The following CCNA1 variants were observed in gnomAD, a reference collection of about 807,000 sequenced individuals.
CCNA1 encodes cyclin-A1.
A neutral mutation model predicts 54.1 loss-of-function variants in CCNA1; 23 were observed. The ratio of observed to expected loss-of-function variants is 0.42; its 90% CI spans 0.31 to 0.60. The LOEUF (loss-of-function observed/expected upper bound fraction) is 0.60, where lower values mean the gene tolerates loss of function less well. Among genes scored for constraint, CCNA1 ranks in the 20% least tolerant of loss-of-function variants. The probability of loss-of-function intolerance (pLI) is 0.14; values close to 1 mark genes in which losing one functional copy is unlikely to be tolerated. For synonymous variants in CCNA1, 208 were observed against 213.9 expected (o/e 0.97, Z 0.24); for missense variants, 450 against 556.7 (o/e 0.81, Z 1.93).
intron 2 of CCNA1, among the ~76,000 whole-genome samples, chr13:36,436,854 C>T (rs2055811653): frequency 6.6e-6 from 1 of 152,222 alleles, no homozygotes; most frequent in South Asian, 2.1e-4. Flanking sequence ...GTAGACAGAG[C>T]TGGCATTTGC....
intron 2 of CCNA1, among the ~76,000 whole-genome samples, chr13:36,433,639 C>T (rs2055764624): frequency 6.7e-6 from 1 of 150,074 alleles, no homozygotes; most frequent in Non-Finnish European, 1.5e-5. Flanking sequence ...CTCCCGGGTT[C>T]AAGCGATTCT....
At position 36,432,563 on chromosome 13, in the gene CCNA1, T is replaced by C. The variant is rs2055725813; in HGVS notation, c.-59T>C. The C allele has an allele frequency of 1.8e-6, 2 of 1,090,370 alleles. No individual in the cohort carries two copies. The highest frequency in any genetic ancestry group is 2.6e-6 in the Non-Finnish European group (2 of 756,628). 67.5% of individuals were successfully genotyped at this position (1,090,370 alleles called of 1,614,324 possible). Reference sequence around the variant, plus strand: ...GCCCGCTTTGGGGTCCAGGCAGGTTTTGGGGCCTCCTGTCTGGTGGGAGGA... The same window carrying C: ...GCCCGCTTTGGGGTCCAGGCAGGTTCTGGGGCCTCCTGTCTGGTGGGAGGA... On this transcript the variant is annotated 5_prime_UTR_variant, in exon 1 of 9. Transcript: ENST00000255465.
chr13:36,437,830 G>A lies in CCNA1; in HGVS notation c.499G>A (p.Gly167Ser), dbSNP rs753604464. The A allele has an allele frequency of 7.4e-6, 12 of 1,613,956 alleles. No homozygotes were observed. The highest frequency in any genetic ancestry group is 3.3e-5 in the South Asian group (3 of 91,076). ...TGAGGATGTGTATGAAGTAGACACC[G>A]GCACACTCAAGTCAGACCTGCACTT... is the stretch of plus-strand genomic sequence containing the variant. Residue 167 changes from glycine (G) to serine (S), a missense_variant, in exon 3 of 9, where the codon GGC (glycine) becomes AGC (serine). By Grantham distance (56) the Gly-to-Ser change is moderately conservative. Transcript: ENST00000255465.
intron 1 of CCNA1, 140 bp from the exon 2 acceptor site, chr13:36,432,893 C>T: frequency 1.0e-6 from 1 of 997,550 alleles, no homozygotes; most frequent in Non-Finnish European, 1.5e-6. Context: ...CCCTTTCAGC[C>T]CCAATAATTA....
At chr13:36,432,983 G>C in intron 1 of CCNA1, 50 bp from the exon 2 acceptor site, 1 of 1,554,832 alleles carries the variant, frequency 6.4e-7, no homozygotes, top group South Asian at 1.2e-5. Context: ...TTGGAGCCCG[G>C]GGTGGACGGA....
intron 2 of CCNA1, among the ~76,000 whole-genome samples, chr13:36,435,547 C>G (rs116338406): frequency 7.2e-5 from 11 of 152,302 alleles, no homozygotes; most frequent in African/African-American, 2.6e-4. Context: ...ACCACTCTCT[C>G]CAAGTTTTCT....
Position 36,442,295 on chromosome 13 carries a change from A to T in CCNA1, c.1337A>T (p.Lys446Met). ...CAGCAAGCAATTAGGGAGAAGTACA[A>T]GGCTTCAAAGTAAGTCACTGACATT... Residue 446 changes from lysine (K) to methionine (M), a missense_variant, in exon 8 of 9, where the codon AAG (lysine) becomes ATG (methionine). Lys to Met is a moderately conservative substitution (Grantham distance 95). Coordinates refer to ENST00000255465, the MANE Select transcript of CCNA1 (RefSeq NM_003914.4). 6.2e-7 allele frequency: 1 copy of T among 1,613,854 alleles called. No individual in the cohort carries two copies. The highest frequency in any genetic ancestry group is 1.3e-5 in the African/African-American group (1 of 75,028).
At chr13:36,438,992 T>A in intron 5 of CCNA1, 125 bp downstream of exon 5, 2 of 701,224 alleles carry the variant, frequency 2.9e-6, no homozygotes, top group Non-Finnish European at 4.9e-6. Context: ...TGTCCTTTGA[T>A]AAAAGATCAT....
intron 2 of CCNA1, among the ~76,000 whole-genome samples, chr13:36,435,161 G>A (rs150069706): frequency 1.3e-5 from 2 of 152,144 alleles, no homozygotes; most frequent in African/African-American, 4.8e-5. Flanking sequence ...GCATTATGTC[G>A]ATTAAAGTAA....
Position 36,437,722 on chromosome 13 carries a change from C to T in CCNA1, c.391C>T (p.Pro131Ser). ...CCCTGACTGTGGGGTCCAAGAGCCC[C>T]CCAAGCAAGGGTTTGACATCTACAT... Residue 131 changes from proline (P) to serine (S), a missense_variant, in exon 3 of 9, where the codon CCC (proline) becomes TCC (serine). Pro to Ser is a moderately conservative substitution (Grantham distance 74). Coordinates refer to ENST00000255465, the MANE Select transcript of CCNA1 (RefSeq NM_003914.4). 6.2e-7 allele frequency: 1 copy of T among 1,614,120 alleles called. No homozygotes were observed. The highest frequency in any genetic ancestry group is 1.1e-5 in the South Asian group (1 of 91,086).
At chr13:36,433,411 T>TTCG (rs1566169517) in intron 2 of CCNA1, among the ~76,000 whole-genome samples, 190 bp downstream of exon 2, 15 of 115,984 alleles carry the variant, frequency 1.3e-4, no homozygotes, top group African/African-American at 4.4e-4. Context: ...TCTTTCTTTC[T>TTCG]TTCTTTCTTT....
intron 2 of CCNA1, among the ~76,000 whole-genome samples, chr13:36,434,570 T>C (rs570738540): frequency 6.6e-6 from 1 of 152,302 alleles, no homozygotes; most frequent in Admixed American, 6.5e-5. Flanking sequence ...CCTCTTATGT[T>C]ACCTGGTGCC....
chr13:36,434,859 C>T (rs1259375229), intron 2 of CCNA1, among the ~76,000 whole-genome samples: 7 of 147,268 alleles, frequency 4.8e-5, no homozygotes, highest in African/African-American at 1.5e-4. Flanking sequence ...ACAATATACT[C>T]GTGTCTTCTT....
At chr13:36,442,476 G>T (rs2055887229) in intron 8 of CCNA1, 138 bp from the exon 9 acceptor site, 2 of 1,095,208 alleles carry the variant, frequency 1.8e-6, no homozygotes, top group Non-Finnish European at 2.7e-6. Context: ...TTTATAATTT[G>T]TCAGCTTTTA....
intron 5 of CCNA1, among the ~76,000 whole-genome samples, chr13:36,439,326 T>C (rs758978237): frequency 1.2e-4 from 18 of 152,154 alleles, no homozygotes; most frequent in Non-Finnish European, 2.6e-4. Context: ...CCTAATTGTG[T>C]GGGAAAAGAG....
Position 36,432,498 on chromosome 13 carries a change from T to A in CCNA1, c.-124T>A. The stretch of plus-strand genomic sequence containing the variant: ...GCGATCCTCCAGTGCACTTGCCAGT[T>A]GTTCCGGACACATAGAAAGATAACG... On this transcript the variant is annotated 5_prime_UTR_variant, in exon 1 of 9. Coordinates refer to ENST00000255465, the MANE Select transcript of CCNA1 (RefSeq NM_003914.4). The A allele has an allele frequency of 1.7e-6, 1 of 606,022 alleles. No homozygotes were observed. The allele number at this position is 606,022 out of a possible 1,614,324, so 37.5% of individuals were successfully genotyped here.
intron 4 of CCNA1, 54 bp from the exon 5 acceptor site, chr13:36,438,590 G>A: frequency 2.4e-6 from 3 of 1,264,792 alleles, no homozygotes; most frequent in Non-Finnish European, 3.4e-6. Flanking sequence ...CTATATTGTG[G>A]AATGATCTTT....
chr13:36,435,656 T>A (rs1356306852), intron 2 of CCNA1, among the ~76,000 whole-genome samples: 1 of 152,190 alleles, frequency 6.6e-6, no homozygotes, highest in Non-Finnish European at 1.5e-5. Context: ...GATCTAAATC[T>A]TGCACTCACT....
intron 5 of CCNA1, among the ~76,000 whole-genome samples, chr13:36,439,705 T>G (rs2055851286): frequency 6.6e-6 from 1 of 152,176 alleles, no homozygotes; most frequent in Non-Finnish European, 1.5e-5. Context: ...AATCTTTCAG[T>G]GTATCACAGG....
Sources: allele counts gnomAD v4.1 joint callset (sites outside exome capture counted in the v4.1 genomes callset), GRCh38; gene constraint gnomAD v4.1.1; transcripts MANE v1.5; gene names NCBI Gene and HGNC (gene_info 2026-07-23, HGNC 2026-07-21).